The following SMYD3 variants were observed in gnomAD, a reference collection of about 807,000 sequenced individuals.
SMYD3 encodes the protein SET and MYND domain containing 3.
Under a neutral mutation model 57.7 loss-of-function variants are expected in SMYD3, and 36 were observed. The ratio of observed to expected loss-of-function variants is 0.62; its 90% confidence interval spans 0.48 to 0.82. The LOEUF (loss-of-function observed/expected upper bound fraction) is 0.82, where lower values mean the gene tolerates loss of function less well. Among genes scored for constraint, SMYD3 ranks in the 40% least tolerant of loss-of-function variants. SMYD3 has a pLI of 0.00. For missense variants in SMYD3, 515 were observed against 538.8 expected, an observed-to-expected ratio of 0.96 and a Z score of 0.44; for synonymous variants, 211 against 195.0, an observed-to-expected ratio of 1.08 and a Z score of -0.68.
chr1:245,960,927 G>T (rs1389347807), intron 5 of SMYD3, among the ~76,000 whole-genome samples: 1 of 152,094 alleles, frequency 6.6e-6, no homozygotes, highest in African/African-American at 2.4e-5. Flanking sequence ...TATTCCACAG[G>T]AAGGCCGAAG....
Position 245,872,338 on chromosome 1 carries a change from C to G in SMYD3, c.814-8452G>C, listed in dbSNP as rs894289306. ...AGCTGCTTGCATCCTCGCAAGAGCC[C>G]AAAGTTCCCGCCTCCTGCTGCTTCA... On this transcript the variant is annotated intron_variant, in intron 8 of 11. Transcript: ENST00000490107. 4.6e-5 allele frequency among the ~76,000 whole-genome samples: 7 copies of G among 151,082 alleles called. No homozygotes were observed. In the South Asian group the frequency reaches 1.3e-3, roughly 28 times the overall value.
chr1:245,835,440 C>T (rs1270349713), intron 10 of SMYD3, among the ~76,000 whole-genome samples: 1 of 152,140 alleles, frequency 6.6e-6, no homozygotes, highest in African/African-American at 2.4e-5. Flanking sequence ...TTCTTAATTT[C>T]TCTGAGCTTC....
intron 5 of SMYD3, among the ~76,000 whole-genome samples, chr1:246,149,939 T>C (rs575663988): frequency 5.2e-5 from 8 of 152,388 alleles, no homozygotes; most frequent in African/African-American, 1.7e-4. Context: ...TTTATGATTC[T>C]ACACATTCTT....
intron 5 of SMYD3, among the ~76,000 whole-genome samples, chr1:245,942,978 T>G (rs1014664468): frequency 3.3e-5 from 5 of 152,068 alleles, no homozygotes; most frequent in African/African-American, 1.2e-4. Context: ...GGGATAGAGC[T>G]AAAGCAGTGT....
intron 5 of SMYD3, 113 bp from the exon 6 acceptor site, chr1:245,930,050 A>G (rs1472512379): frequency 2.4e-6 from 2 of 820,256 alleles, no homozygotes; most frequent in Non-Finnish European, 4.1e-6. Context: ...TAGTTGCTTA[A>G]GAAAGAGCCA....
chr1:246,410,027 C>A (rs2102983291), intron 1 of SMYD3, among the ~76,000 whole-genome samples: 2 of 152,184 alleles, frequency 1.3e-5, no homozygotes, highest in South Asian at 4.2e-4. Context: ...GATTTTGTAT[C>A]CTGAGACTGC....
chr1:245,776,191 AAAAGTCTTAAT>A (rs1362163119), intron 10 of SMYD3, among the ~76,000 whole-genome samples: 2 of 152,342 alleles, frequency 1.3e-5, no homozygotes, highest in South Asian at 4.1e-4. Flanking sequence ...TAATAATTTT[AAAAGTCTTAAT>A]TAAGACTTTT....
At chr1:246,299,377 C>T (rs978671999) in intron 5 of SMYD3, among the ~76,000 whole-genome samples, 15 of 152,060 alleles carry the variant, frequency 9.9e-5, no homozygotes, top group African/African-American at 3.4e-4. Flanking sequence ...AAAAGGAACG[C>T]TTACAAACTG....
intron 1 of SMYD3, among the ~76,000 whole-genome samples, chr1:246,429,340 G>C (rs1258959055): frequency 2.0e-5 from 3 of 152,144 alleles, no homozygotes; most frequent in Non-Finnish European, 4.4e-5. Flanking sequence ...AGATGCTATG[G>C]ATTGTAAGAC....
At chr1:245,803,114 A>C (rs1001989163) in intron 10 of SMYD3, among the ~76,000 whole-genome samples, 2 of 152,188 alleles carry the variant, frequency 1.3e-5, no homozygotes, top group Admixed American at 1.3e-4. Context: ...TATCTGATTC[A>C]CAGGACCTAA....
rs1380260307 is a variant in SMYD3 at position 246,266,345 on chromosome 1, CTG to C, written c.531+60854_531+60855del. Among the ~76,000 whole-genome samples the C allele has an allele frequency of 3.3e-5, 5 of 152,242 alleles. No individual in the cohort carries two copies. The East Asian group carries it at 9.6e-4, about 29-fold the overall frequency. On this transcript the variant is annotated intron_variant, in intron 5 of 11. Coordinates refer to ENST00000490107, the MANE Select transcript of SMYD3 (RefSeq NM_001167740.2). ...ACCAGGACCAACTCTAATGTCCAAACTGCGTGACAGAATTAACAGTTCCTTCC... is the reference window on the plus strand; with the variant it reads ...ACCAGGACCAACTCTAATGTCCAAACCGTGACAGAATTAACAGTTCCTTCC...
At chr1:246,287,093 A>T (rs2148585706) in intron 5 of SMYD3, among the ~76,000 whole-genome samples, 1 of 152,158 alleles carries the variant, frequency 6.6e-6, no homozygotes, top group African/African-American at 2.4e-5. Context: ...GCTGGTCTTG[A>T]TCCCCTGGCA....
chr1:246,481,634 A>T, intron 1 of SMYD3, among the ~76,000 whole-genome samples: 1 of 133,684 alleles, frequency 7.5e-6, no homozygotes. Context: ...ATACATACAT[A>T]CACATATTCA....
intron 5 of SMYD3, among the ~76,000 whole-genome samples, chr1:245,952,433 C>T (rs886669674): frequency 3.9e-5 from 6 of 152,118 alleles, no homozygotes; most frequent in Admixed American, 1.3e-4. Context: ...AAAAGACTGA[C>T]AAGCATAGGA....
intron 10 of SMYD3, among the ~76,000 whole-genome samples, chr1:245,833,073 A>AAAACAACAAAAAAAAAAAAAACACAAC: frequency 7.8e-6 from 1 of 128,652 alleles, no homozygotes; most frequent in Non-Finnish European, 1.6e-5. Context: ...AAAAAAAAAA[A>AAAACAACAAAAAAAAAAAAAACACAAC]AACCTGCTTT....
At chr1:246,187,003 A>G (rs571536738) in intron 5 of SMYD3, 1 of 889,296 alleles carries the variant, frequency 1.1e-6, no homozygotes, top group Admixed American at 6.2e-5. Flanking sequence ...CTACACAAAC[A>G]TACAAAGTAG....
chr1:246,158,650 T>C (rs12038071), intron 5 of SMYD3, among the ~76,000 whole-genome samples: 8,456 of 152,224 alleles, frequency 0.056, 498 homozygotes, highest in East Asian at 0.22. Context: ...GCTCAATTTA[T>C]TGATGTGAAT....
At chr1:245,816,292 C>T (rs764642701) in intron 10 of SMYD3, among the ~76,000 whole-genome samples, 5 of 151,962 alleles carry the variant, frequency 3.3e-5, no homozygotes, top group South Asian at 2.1e-4. Context: ...AGAGTACTCC[C>T]GGGGTGGCTA....
chr1:246,054,685 A>C (rs1403743880), intron 5 of SMYD3, among the ~76,000 whole-genome samples: 1 of 152,106 alleles, frequency 6.6e-6, no homozygotes, highest in African/African-American at 2.4e-5. Flanking sequence ...AGTGACAAAA[A>C]GGAGATCACT....
Sources: gnomAD v4.1 joint callset for allele counts (sites outside exome capture counted in the v4.1 genomes callset) on GRCh38, gnomAD v4.1.1 for gene constraint, MANE v1.5 for transcripts, NCBI Gene and HGNC (gene_info 2026-07-23, HGNC 2026-07-21) for gene names.